Variants in XPOT observed in about 807,000 individuals in gnomAD.
XPOT encodes the protein exportin-T.
In XPOT, 34 loss-of-function variants were observed where a neutral mutation model predicts 128.2. The observed-to-expected ratio is 0.27, with a 90% CI of 0.20 to 0.35. XPOT has a LOEUF of 0.35. Among genes scored for constraint, XPOT ranks in the 10% least tolerant of loss-of-function variants. XPOT has a pLI of 1.00. For synonymous variants in XPOT, 348 were observed against 394.3 expected (o/e 0.88, Z 1.39); for missense variants, 838 against 1,125.3 (o/e 0.74, Z 3.65).
At chr12:64,434,670 A>G in intron 20 of XPOT, 47 bp downstream of exon 20, 1 of 1,572,698 alleles carries the variant, frequency 6.4e-7, no homozygotes, top group Middle Eastern at 1.7e-4. Flanking sequence ...ACTCTTTCAT[A>G]AAACTCTTAG....
chr12:64,445,133 T>C lies in XPOT; in HGVS notation c.2862+2T>C. ...AAAGTTTTTAAAAATTACTTAAAGG[T>C]AGGTATTTGTGAAGCTCACGTATCT... On this transcript the variant is annotated splice_donor_variant, in intron 24 of 24. Transcript: ENST00000332707. LOFTEE classifies it high-confidence loss of function. 1.9e-6 allele frequency: 3 copies of C among 1,608,604 alleles called. No individual in the cohort carries two copies. Among genetic ancestry groups the C allele is most frequent in the Non-Finnish European group, 2.5e-6 (3 of 1,176,938 alleles).
intron 9 of XPOT, among the ~76,000 whole-genome samples, chr12:64,421,854 C>T (rs920393536): frequency 6.6e-6 from 1 of 151,658 alleles, no homozygotes; most frequent in Non-Finnish European, 1.5e-5. Flanking sequence ...CTGTTGTTGC[C>T]CAGGCTGGAG....
At chr12:64,424,893 C>T (rs2040175832) in intron 12 of XPOT, 145 bp from the exon 13 acceptor site, 1 of 1,316,162 alleles carries the variant, frequency 7.6e-7, no homozygotes, top group African/African-American at 1.5e-5. Context: ...TCCTTTCTAC[C>T]TTTGTGATGT....
intron 3 of XPOT, 102 bp downstream of exon 3, chr12:64,415,091 A>T: frequency 6.7e-6 from 5 of 744,554 alleles, no homozygotes; most frequent in Admixed American, 2.6e-5. Context: ...AAAACATTTT[A>T]TGACTTTTTT....
chr12:64,428,135 C>CT lies in XPOT; in HGVS notation c.1737+18dup. The CT allele has an allele frequency of 6.6e-7, 1 of 1,505,686 alleles. No individual in the cohort carries two copies. The highest frequency in any genetic ancestry group is 1.4e-5 in the African/African-American group (1 of 72,506). The allele number at this position is 1,505,686 out of a possible 1,614,324, so 93.3% of individuals were successfully genotyped here. ...TTTCTCCACCTGTAAGTATCTGTCT[C>CT]TTTAAGATATTTTACCCAGAATTCA... is the stretch of plus-strand genomic sequence containing the variant. On this transcript the variant is annotated intron_variant, in intron 16 of 24. Coordinates refer to ENST00000332707, the MANE Select transcript of XPOT (RefSeq NM_007235.6).
intron 9 of XPOT, 122 bp downstream of exon 9, chr12:64,421,593 C>G: frequency 1.6e-6 from 1 of 644,606 alleles, no homozygotes; most frequent in Non-Finnish European, 2.7e-6. Context: ...AAGATATTTA[C>G]TGTTAAATAC....
Position 64,430,162 on chromosome 12 carries a change from G to A in XPOT, c.1851G>A (p.Met617Ile). 6.2e-7 allele frequency: 1 copy of A among 1,613,968 alleles called. No homozygotes were observed. Residue 617 changes from methionine to isoleucine, a missense_variant, in exon 17 of 25, where the codon ATG becomes ATA. Transcript: ENST00000332707. ...CGGCAGAAAGGAAACAAGCCTTAAT[G>A]AGGAATCTGTTGACTCCACTAATGG... is the stretch of plus-strand genomic sequence containing the variant. Reference protein sequence around the residue: ...EYPAERKQALMRNLLTPLMEK... With the variant: ...EYPAERKQALIRNLLTPLMEK...
chr12:64,427,271 C>T (rs1006206126), intron 15 of XPOT, among the ~76,000 whole-genome samples: 2 of 151,806 alleles, frequency 1.3e-5, no homozygotes, highest in African/African-American at 4.8e-5. Flanking sequence ...AGGTGTCCAT[C>T]GCCACACCCG....
In XPOT at chr12:64,449,472, G is replaced by A. The variant is rs1474052625; in HGVS notation, c.*1341G>A. On this transcript the variant is annotated 3_prime_UTR_variant, in exon 25 of 25. Coordinates refer to ENST00000332707, the MANE Select transcript of XPOT (RefSeq NM_007235.6). ...CAGCAGAATTCGTATAGACATTTAC[G>A]TTTAAATTCTAAAAGCCCAATTGAG... 2 of 152,202 alleles carry A rather than the reference G, an allele frequency of 1.3e-5. No homozygotes were observed. The highest frequency in any genetic ancestry group is 2.9e-5 in the Non-Finnish European group (2 of 68,038). The allele number at this position is 152,202 out of a possible 1,614,324, so 9.4% of individuals were successfully genotyped here.
chr12:64,435,606 T>C (rs749759524), intron 21 of XPOT, 21 bp from the exon 22 acceptor site: 2 of 1,588,490 alleles, frequency 1.3e-6, no homozygotes, highest in East Asian at 4.6e-5. Context: ...ATATAGAAAT[T>C]CTTAAACTTG....
rs765159339 is a variant in XPOT, at chr12:64,420,224, G to T, written c.644G>T (p.Trp215Leu). ...CLEVVGAYVS[W>L]IDLSLIANDR... is the part of the protein sequence containing the mutation. ...GAAGTAGTTGGGGCTTATGTCTCTT[G>T]GATAGACTTATCCCTTATAGCCAAT... The change falls in exon 7 of 25, where the codon TGG becomes TTG. Residue 215 changes from tryptophan (W) to leucine (L), a missense_variant. By Grantham distance (61) the Trp-to-Leu change is moderately conservative (BLOSUM62 -2). Transcript: ENST00000332707. 6.2e-7 allele frequency: 1 copy of T among 1,605,732 alleles called. No homozygotes were observed. Among genetic ancestry groups the T allele is most frequent in the Non-Finnish European group, 8.5e-7 (1 of 1,177,250 alleles).
chr12:64,428,222 G>A, intron 16 of XPOT, 102 bp downstream of exon 16: 1 of 742,736 alleles, frequency 1.3e-6, no homozygotes, highest in Non-Finnish European at 2.2e-6. Flanking sequence ...AATTGGTGGT[G>A]GAGGGAAGTG....
At chr12:64,441,916 T>TG (rs2136038379) in intron 23 of XPOT, among the ~76,000 whole-genome samples, 1 of 151,856 alleles carries the variant, frequency 6.6e-6, no homozygotes, top group South Asian at 2.1e-4. Flanking sequence ...CTAACCTCAG[T>TG]GATCTTCCCA....
chr12:64,416,615 G>A lies in XPOT; in HGVS notation c.144-83G>A, dbSNP rs983215333. ...GTCTAGTTTGAGAAACTTTTCTGCTGTATTACTCATTACTATTTTGCCTTT... is the reference window on the plus strand; with the variant it reads ...GTCTAGTTTGAGAAACTTTTCTGCTATATTACTCATTACTATTTTGCCTTT... On this transcript the variant is annotated intron_variant, in intron 3 of 24. Transcript: ENST00000332707. The A allele has an allele frequency of 5.4e-6, 6 of 1,120,534 alleles. No individual in the cohort carries two copies. In the African/African-American group the frequency reaches 7.8e-5, roughly 14 times the overall value. The allele number at this position is 1,120,534 out of a possible 1,614,324, so 69.4% of individuals were successfully genotyped here. A position where few individuals can be genotyped will look rare whatever the true frequency, so the allele number is the denominator to read the frequency against.
intron 2 of XPOT, among the ~76,000 whole-genome samples, chr12:64,413,758 G>A (rs1419709876): frequency 6.6e-6 from 1 of 152,102 alleles, no homozygotes; most frequent in East Asian, 1.9e-4. Flanking sequence ...CAGTGTGTGT[G>A]TATATATTTA....
At chr12:64,428,414 T>C (rs2040210653) in intron 16 of XPOT, among the ~76,000 whole-genome samples, 1 of 152,182 alleles carries the variant, frequency 6.6e-6, no homozygotes, top group Non-Finnish European at 1.5e-5. Flanking sequence ...ATGAAAAGTA[T>C]ATTAAAAATT....
chr12:64,422,570 C>T (rs899565333), intron 9 of XPOT, among the ~76,000 whole-genome samples: 38 of 152,176 alleles, frequency 2.5e-4, no homozygotes, highest in African/African-American at 8.7e-4. Flanking sequence ...CTAAACTGCC[C>T]TCCAAAAAAG....
At chr12:64,425,940 G>A (rs1236228541) in intron 15 of XPOT, 31 bp downstream of exon 15, 2 of 1,587,838 alleles carry the variant, frequency 1.3e-6, no homozygotes, top group Non-Finnish European at 1.7e-6. Flanking sequence ...ATTATGTTTA[G>A]TTATTTTTTA....
At chr12:64,438,887 C>T (rs1285995848) in intron 22 of XPOT, among the ~76,000 whole-genome samples, 3 of 152,130 alleles carry the variant, frequency 2.0e-5, no homozygotes, top group South Asian at 2.1e-4. Flanking sequence ...TCTCCTCCTC[C>T]CAAAGTGCTG....
Sources: gnomAD v4.1 joint callset for allele counts (sites outside exome capture counted in the v4.1 genomes callset) on GRCh38, gnomAD v4.1.1 for gene constraint, MANE v1.5 for transcripts, NCBI Gene and HGNC (gene_info 2026-07-23, HGNC 2026-07-21) for gene names.